The following ZNF705B variants were observed in gnomAD, a reference collection of about 807,000 sequenced individuals.
The protein encoded by ZNF705B is Putative zinc finger protein 705D-like protein LOC100132396.
Under a neutral mutation model 10.5 loss-of-function variants are expected in ZNF705B, and 1 was observed. The ratio of observed to expected loss-of-function variants is 0.10; its 90% CI spans 0.03 to 0.45. The LOEUF (loss-of-function observed/expected upper bound fraction) is 0.45. Among genes scored for constraint, ZNF705B ranks in the 20% least tolerant of loss-of-function variants. ZNF705B has a pLI of 0.97. For missense variants in ZNF705B, 14 were observed against 84.0 expected (o/e 0.17, Z 3.26); for synonymous variants, 4 against 25.4 (o/e 0.16, Z 2.53).
chr8:7,938,729 CATAAAGAAGAAAATG>C (rs1173374185), intron 2 of ZNF705B: 2 of 1,251,614 alleles, frequency 1.6e-6, no homozygotes, highest in African/African-American at 3.0e-5. Context: ...GAACTTGGCT[CATAAAGAAGAAAATG>C]GTGAAGAAGA....
chr8:7,936,749 A>C (rs1452383206), intron 2 of ZNF705B, among the ~76,000 whole-genome samples: 1 of 119,664 alleles, frequency 8.4e-6, no homozygotes, highest in African/African-American at 2.6e-5. Context: ...TAAAGTCTGA[A>C]AAGCTACTCT....
intron 2 of ZNF705B, among the ~76,000 whole-genome samples, chr8:7,934,128 G>C (rs1253205899): frequency 3.0e-5 from 4 of 134,624 alleles, no homozygotes; most frequent in Non-Finnish European, 6.6e-5. Context: ...TTTTAAAAGA[G>C]ACAGGGTTTC....
At chr8:7,940,817 G>A (rs1820132064) in intron 2 of ZNF705B, among the ~76,000 whole-genome samples, 1 of 133,994 alleles carries the variant, frequency 7.5e-6, no homozygotes, top group African/African-American at 2.6e-5. Context: ...ATATGTATTA[G>A]CCATTTATCC....
rs1364445068 is a variant in ZNF705B, at chr8:7,935,362, CT to C, written c.-72+4927del. Among the ~76,000 whole-genome samples the C allele has an allele frequency of 4.1e-5, 6 of 147,192 alleles. No individual in the cohort carries two copies. In the East Asian group the frequency reaches 1.2e-3, roughly 30 times the overall value. On this transcript the variant is annotated intron_variant, in intron 2 of 6. Coordinates refer to ENST00000400120, the MANE Select transcript of ZNF705B (RefSeq NM_001193630.1). ...TATTGAATAGTATTTCATTTATGTC[CT>C]AAGATATCACTGCTCTGGGGATAGG...
At chr8:7,927,733 C>A (rs1451804483) in intron 1 of ZNF705B, among the ~76,000 whole-genome samples, 11 of 146,804 alleles carry the variant, frequency 7.5e-5, no homozygotes, top group African/African-American at 2.2e-4. Context: ...GTTTTGAAAC[C>A]AGGGTTATCT....
chr8:7,927,804 C>T (rs1819739855), intron 1 of ZNF705B, among the ~76,000 whole-genome samples: 1 of 147,080 alleles, frequency 6.8e-6, no homozygotes, highest in African/African-American at 2.4e-5. Flanking sequence ...TTGCAAAGAC[C>T]ACAGCTTACA....
chr8:7,937,144 G>A (rs1374431335), intron 2 of ZNF705B, among the ~76,000 whole-genome samples: 1 of 115,250 alleles, frequency 8.7e-6, no homozygotes, highest in African/African-American at 2.6e-5. Context: ...TGGAAAGGAA[G>A]AAACTTGCCC....
At chr8:7,940,201 A>T (rs1254260388) in intron 2 of ZNF705B, among the ~76,000 whole-genome samples, 1 of 144,090 alleles carries the variant, frequency 6.9e-6, no homozygotes, top group Non-Finnish European at 1.5e-5. Flanking sequence ...CCAAGAGAAA[A>T]AAACAAGGGA....
At chr8:7,940,457 A>G (rs1370006632) in intron 2 of ZNF705B, among the ~76,000 whole-genome samples, 1 of 122,572 alleles carries the variant, frequency 8.2e-6, no homozygotes, top group Non-Finnish European at 1.9e-5. Flanking sequence ...TGGTAAGAAT[A>G]CAAAATCTAC....
intron 1 of ZNF705B, among the ~76,000 whole-genome samples, chr8:7,929,127 T>C (rs1454300904): frequency 8.2e-6 from 1 of 121,824 alleles, no homozygotes; most frequent in Non-Finnish European, 2.0e-5. Context: ...CTCTCCTTAA[T>C]GATTCATGTA....
At chr8:7,940,380 A>G (rs1410347283) in intron 2 of ZNF705B, among the ~76,000 whole-genome samples, 3 of 144,958 alleles carry the variant, frequency 2.1e-5, no homozygotes, top group African/African-American at 7.6e-5. Context: ...TCAAGATTAT[A>G]ACCATATCCT....
chr8:7,929,325 A>G (rs1444262415), intron 1 of ZNF705B, among the ~76,000 whole-genome samples: 1 of 121,784 alleles, frequency 8.2e-6, no homozygotes, highest in East Asian at 2.3e-4. Context: ...AAACTTTTTT[A>G]TAGAATGGAA....
In ZNF705B at chr8:7,927,064, G is replaced by A. The variant is rs183185500; in HGVS notation, c.-222+667G>A. ...TGGTACGTGATAGGTGTTCAAGAAT[G>A]TTCATTCTTACTGGAGTGACAGAGG... is the stretch of plus-strand genomic sequence containing the variant. On this transcript the variant is annotated intron_variant, in intron 1 of 6. Coordinates refer to ENST00000400120, the MANE Select transcript of ZNF705B (RefSeq NM_001193630.1). 4.9e-4 allele frequency among the ~76,000 whole-genome samples: 58 copies of A among 119,544 alleles called. 19 individuals carry two copies. Among genetic ancestry groups the A allele is most frequent in the Non-Finnish European group, 2.0e-5 (1 of 49,892 alleles). The allele number at this position is 119,544 out of a possible 152,430, so 78.4% of individuals were successfully genotyped here.
At position 7,928,034 on chromosome 8, in the gene ZNF705B, T is replaced by C. The variant is rs572304272; in HGVS notation, c.-222+1637T>C. Among the ~76,000 whole-genome samples, 21 of 129,322 alleles carry C rather than the reference T, an allele frequency of 1.6e-4. 1 individual carries two copies. The South Asian group carries it at 5.7e-3, about 35-fold the overall frequency. 84.8% of individuals were successfully genotyped at this position (129,322 alleles called of 152,430 possible). On this transcript the variant is annotated intron_variant, in intron 1 of 6. Transcript: ENST00000400120. ...TAAAAAGTAATATAAACAGGGTGGC[T>C]TATAAAGAGCAGAAGTTTACTTCTC...
chr8:7,932,189 A>C (rs1819867521), intron 2 of ZNF705B, among the ~76,000 whole-genome samples: 1 of 121,278 alleles, frequency 8.2e-6, no homozygotes, highest in African/African-American at 2.5e-5. Context: ...CAGTGTCCAC[A>C]GTGGGAATAT....
rs567427792 is a variant in ZNF705B, at chr8:7,930,734, T to A, written c.-72+298T>A. ...TAGGCATCACAGCTTACAAACCATTTCCATGTGAATCAAAGCAATGGCAAC... is the reference window on the plus strand; with the variant it reads ...TAGGCATCACAGCTTACAAACCATTACCATGTGAATCAAAGCAATGGCAAC... On this transcript the variant is annotated intron_variant, in intron 2 of 6. Coordinates refer to ENST00000400120, the MANE Select transcript of ZNF705B (RefSeq NM_001193630.1). Among the ~76,000 whole-genome samples the A allele has an allele frequency of 1.0e-3, 114 of 113,578 alleles. 2 individuals carry two copies. In the Middle Eastern group the frequency reaches 0.014, roughly 14 times the overall value. The allele number at this position is 113,578 out of a possible 152,430, so 74.5% of individuals were successfully genotyped here.
chr8:7,932,037 C>G (rs1819863413), intron 2 of ZNF705B, among the ~76,000 whole-genome samples: 1 of 119,590 alleles, frequency 8.4e-6, no homozygotes, highest in African/African-American at 2.5e-5. Flanking sequence ...TGTGCCACAG[C>G]TGCCTGTGTC....
chr8:7,938,432 G>A (rs1360357535), intron 2 of ZNF705B, among the ~76,000 whole-genome samples: 3 of 125,234 alleles, frequency 2.4e-5, no homozygotes, highest in African/African-American at 8.4e-5. Flanking sequence ...GTAGAATAAT[G>A]CCTGATTTTT....
chr8:7,940,644 T>C (rs1389507811), intron 2 of ZNF705B, among the ~76,000 whole-genome samples: 3 of 146,100 alleles, frequency 2.1e-5, no homozygotes, highest in Non-Finnish European at 4.6e-5. Flanking sequence ...TCTGCTTTTG[T>C]GAGTTTGTCG....
Sources: allele counts gnomAD v4.1 joint callset (sites outside exome capture counted in the v4.1 genomes callset), GRCh38; gene constraint gnomAD v4.1.1; transcripts MANE v1.5; gene names NCBI Gene and HGNC (gene_info 2026-07-23, HGNC 2026-07-21).